MLX: variants seen among roughly 807,000 people sequenced by gnomAD.
MLX encodes max-like protein X.
In MLX, 15 loss-of-function variants were observed where a neutral mutation model predicts 33.0. That is an observed-to-expected ratio of 0.45 (90% CI 0.30 to 0.70). The LOEUF (loss-of-function observed/expected upper bound fraction) is 0.70. Ranked by LOEUF, MLX falls within the 30% of genes least tolerant of loss-of-function variation. The probability of loss-of-function intolerance (pLI) is 0.07; values close to 1 mark genes in which losing one functional copy is unlikely to be tolerated. For missense variants in MLX, 285 were observed against 306.3 expected, an observed-to-expected ratio of 0.93 and a Z score of 0.52; for synonymous variants, 115 against 115.6, an observed-to-expected ratio of 0.99 and a Z score of 0.03.
chr17:42,570,379 A>G (rs1276594557), intron 7 of MLX, among the ~76,000 whole-genome samples, 196 bp downstream of exon 7: 1 of 152,160 alleles, frequency 6.6e-6, no homozygotes, highest in African/African-American at 2.4e-5. Context: ...TCATTCGGCA[A>G]GTGTGACGTG....
chr17:42,567,463 G>A (rs2093012835), intron 1 of MLX, 156 bp from the exon 2 acceptor site: 2 of 1,414,770 alleles, frequency 1.4e-6, no homozygotes, highest in Non-Finnish European at 1.9e-6. Context: ...GACTCATTAA[G>A]CTGCCCGCGC....
At chr17:42,568,996 A>G in intron 4 of MLX, 53 bp downstream of exon 4, 1 of 1,546,004 alleles carries the variant, frequency 6.5e-7, no homozygotes, top group Non-Finnish European at 8.8e-7. Flanking sequence ...TGCATAGTTT[A>G]GCTTCCCTGT....
In MLX at chr17:42,569,254, C is replaced by T; in HGVS notation, c.327C>T (p.Asp109=). 3 of 1,614,164 alleles carry T rather than the reference C, an allele frequency of 1.9e-6. No homozygotes were observed. The highest frequency in any genetic ancestry group is 2.5e-6 in the Non-Finnish European group (3 of 1,180,024). ...QTIVPTCQQQ[D]FSIGSQKLSK... is the part of the protein sequence containing the mutation. Reference sequence around the variant, plus strand: ...TCGTCCCCACTTGCCAGCAGCAGGACTTCTCCATTGGCTCCCAAAAGCTCA... The same window carrying T: ...TCGTCCCCACTTGCCAGCAGCAGGATTTCTCCATTGGCTCCCAAAAGCTCA... The change falls in exon 5 of 8, where the codon GAC becomes GAT. Residue 109 remains aspartate, a synonymous_variant. Transcript: ENST00000435881.
chr17:42,571,207 A>G (rs2143268411), intron 7 of MLX, among the ~76,000 whole-genome samples: 1 of 142,286 alleles, frequency 7.0e-6, no homozygotes, highest in Admixed American at 7.2e-5. Flanking sequence ...GTGTGATGTC[A>G]GCTCACTGCA....
Position 42,571,772 on chromosome 17 carries a change from G to T in MLX, c.*169G>T. On this transcript the variant is annotated 3_prime_UTR_variant, in exon 8 of 8. Coordinates refer to ENST00000435881, the MANE Select transcript of MLX (RefSeq NM_198204.2). ...CCATTTTATCTTCAGCGGAGCCGCG[G>T]TGTTTGTTTTGTGAAAGCTTCTGAT... 1.5e-6 allele frequency: 1 copy of T among 653,862 alleles called. No individual in the cohort carries two copies. Among genetic ancestry groups the T allele is most frequent in the Non-Finnish European group, 2.7e-6 (1 of 367,800 alleles). The allele number at this position is 653,862 out of a possible 1,614,324, so 40.5% of individuals were successfully genotyped here.
chr17:42,572,253 C>T lies in MLX; in HGVS notation c.*650C>T, dbSNP rs576860267. ...CTCTGCTCTGGGTGGTAAGGGAAGCCCTCCCGGTTCCCACAGGCTATGATG... is the reference window on the plus strand; with the variant it reads ...CTCTGCTCTGGGTGGTAAGGGAAGCTCTCCCGGTTCCCACAGGCTATGATG... On this transcript the variant is annotated 3_prime_UTR_variant, in exon 8 of 8. Coordinates refer to ENST00000435881, the MANE Select transcript of MLX (RefSeq NM_198204.2). 1.3e-4 allele frequency: 51 copies of T among 401,534 alleles called. No individual in the cohort carries two copies. The highest frequency in any genetic ancestry group is 5.5e-4 in the South Asian group (30 of 54,434). The allele number at this position is 401,534 out of a possible 1,614,324, so 24.9% of individuals were successfully genotyped here.
At chr17:42,567,442 C>T in intron 1 of MLX, 177 bp from the exon 2 acceptor site, 3 of 1,381,336 alleles carry the variant, frequency 2.2e-6, no homozygotes, top group Non-Finnish European at 2.9e-6. Flanking sequence ...TAGCCTGTGC[C>T]AGTCTCGGGG....
Position 42,572,719 on chromosome 17 carries a change from G to C in MLX, c.*1116G>C, listed in dbSNP as rs769408234. On this transcript the variant is annotated 3_prime_UTR_variant, in exon 8 of 8. Transcript: ENST00000435881. ...TTGCCAAATGCTTTCCTTTAGCATT[G>C]TTCCAAGTCTAAATGTTAACCTCAA... 1.6e-6 allele frequency: 1 copy of C among 610,580 alleles called. No homozygotes were observed. The highest frequency in any genetic ancestry group is 1.5e-5 in the South Asian group (1 of 65,894). The allele number at this position is 610,580 out of a possible 1,614,324, so 37.8% of individuals were successfully genotyped here. A position where few individuals can be genotyped will look rare whatever the true frequency, so the allele number is the denominator to read the frequency against.
In MLX at chr17:42,571,681, G is replaced by T; in HGVS notation, c.*78G>T. On this transcript the variant is annotated 3_prime_UTR_variant, in exon 8 of 8. Transcript: ENST00000435881. The stretch of plus-strand genomic sequence containing the variant: ...GTGGCCACTGAACTGCTGGGCCCGG[G>T]AGACTGGACTACAACACCTCACACT... 7.4e-7 allele frequency: 1 copy of T among 1,352,542 alleles called. No homozygotes were observed. Among genetic ancestry groups the T allele is most frequent in the African/African-American group, 1.4e-5 (1 of 69,824 alleles). The allele number at this position is 1,352,542 out of a possible 1,614,324, so 83.8% of individuals were successfully genotyped here.
Position 42,569,997 on chromosome 17 carries a change from T to G in MLX, c.492T>G (p.Ile164Met). Residue 164 changes from isoleucine (I) to methionine (M), a missense_variant, in exon 7 of 8, where the codon ATT (isoleucine) becomes ATG (methionine). Transcript: ENST00000435881. ...LKIMKVNYEQ[I>M]VKAHQDNPHE... ...ATGCTTTTAGGAACTATGAGCAGAT[T>G]GTGAAGGCACACCAGGACAACCCCC... The G allele has an allele frequency of 6.2e-7, 1 of 1,613,916 alleles. No individual in the cohort carries two copies. The highest frequency in any genetic ancestry group is 1.1e-5 in the South Asian group (1 of 91,062).
chr17:42,569,947 C>T, intron 6 of MLX, 35 bp from the exon 7 acceptor site: 1 of 1,598,396 alleles, frequency 6.3e-7, no homozygotes, highest in Non-Finnish European at 8.6e-7. Flanking sequence ...GGCGGAGCTG[C>T]TGCAGCACCT....
chr17:42,569,710 C>A, intron 6 of MLX, 104 bp downstream of exon 6: 4 of 907,280 alleles, frequency 4.4e-6, no homozygotes, highest in Non-Finnish European at 7.1e-6. Context: ...ACAGATAATA[C>A]TCTTAGTTCC....
intron 1 of MLX, chr17:42,567,393 G>A (rs974155138): frequency 2.1e-6 from 3 of 1,417,046 alleles, no homozygotes; most frequent in African/African-American, 2.9e-5. Flanking sequence ...TGGAGTAGGG[G>A]CGGAAGGGAT....
chr17:42,567,609 T>A lies in MLX; in HGVS notation c.43-10T>A, dbSNP rs1183297973. The A allele has an allele frequency of 6.2e-7, 1 of 1,614,050 alleles. No homozygotes were observed. Among genetic ancestry groups the A allele is most frequent in the Non-Finnish European group, 8.5e-7 (1 of 1,179,998 alleles). ...GGTCTGACGGGCCCTTCCCGTGCTC[T>A]GTGCCGCAGGTGGAGTATGCCTACA... On this transcript the variant is annotated splice_polypyrimidine_tract_variant and intron_variant, in intron 1 of 7. Transcript: ENST00000435881.
In MLX at chr17:42,568,890, C is replaced by A; in HGVS notation, c.223C>A (p.Arg75=). ...GGCCTACAAGGAGTCCTACAAAGAC[C>A]GGCGGCGGCGCGCACACACTCAGGC... is the stretch of plus-strand genomic sequence containing the variant. ...QEAYKESYKD[R]RRRAHTQAEQ... Residue 75 remains arginine, a synonymous_variant, in exon 4 of 8, where the codon CGG becomes AGG. Transcript: ENST00000435881. The A allele has an allele frequency of 6.2e-7, 1 of 1,611,590 alleles. No individual in the cohort carries two copies. The highest frequency in any genetic ancestry group is 1.3e-5 in the African/African-American group (1 of 74,956).
intron 4 of MLX, 66 bp downstream of exon 4, chr17:42,569,009 CCT>C: frequency 1.3e-6 from 2 of 1,512,842 alleles, no homozygotes; most frequent in Non-Finnish European, 1.8e-6. Flanking sequence ...TTCCCTGTGC[CCT>C]GACCCACTCA....
intron 6 of MLX, 129 bp from the exon 7 acceptor site, chr17:42,569,853 C>T (rs917354428): frequency 8.0e-6 from 7 of 869,886 alleles, no homozygotes; most frequent in Non-Finnish European, 1.8e-6. Context: ...GCAGTATCTC[C>T]CTGATACTGA....
At chr17:42,568,425 T>C (rs1357974573) in intron 2 of MLX, 45 bp from the exon 3 acceptor site, 5 of 1,417,310 alleles carry the variant, frequency 3.5e-6, no homozygotes, top group Non-Finnish European at 4.0e-6. Context: ...GGTCTGGCAA[T>C]GTTCCCCACC....
chr17:42,570,899 C>T (rs1165727841), intron 7 of MLX, among the ~76,000 whole-genome samples: 1 of 152,140 alleles, frequency 6.6e-6, no homozygotes, highest in Non-Finnish European at 1.5e-5. Flanking sequence ...TTGTGATCCA[C>T]CCGCCTCGGC....
Sources: allele counts gnomAD v4.1 joint callset (sites outside exome capture counted in the v4.1 genomes callset), GRCh38; gene constraint gnomAD v4.1.1; transcripts MANE v1.5; gene names NCBI Gene and HGNC (gene_info 2026-07-23, HGNC 2026-07-21).